The following FOXP2 variants were observed in gnomAD, a reference collection of about 807,000 sequenced individuals.
FOXP2 encodes forkhead box P2.
Under a neutral mutation model 115.8 loss-of-function variants are expected in FOXP2, and 12 were observed. The observed-to-expected ratio is 0.10, with a 90% CI of 0.07 to 0.17. The LOEUF is 0.17. Among genes scored for constraint, FOXP2 ranks in the 10% least tolerant of loss-of-function variants. FOXP2 has a pLI of 1.00. For missense variants in FOXP2, 629 were observed against 843.5 expected (o/e 0.75, Z 3.15); for synonymous variants, 328 against 297.7 (o/e 1.10, Z -1.05).
intron 6 of FOXP2, among the ~76,000 whole-genome samples, chr7:114,638,834 C>A (rs1240008687): frequency 6.6e-6 from 1 of 152,066 alleles, no homozygotes; most frequent in African/African-American, 2.4e-5. Flanking sequence ...TTTTTGACTT[C>A]TTTTATTCTC....
Position 114,659,370 on chromosome 7 carries a change from T to C in FOXP2, c.1483T>C (p.Tyr495His). ...TATTTTTATAGAAATTGCCCCAAAC[T>C]ATGAATTTTATAAAAATGCAGATGT... ...IPMSSEIAPN[Y>H]EFYKNADVRP... Residue 495 changes from tyrosine to histidine, a missense_variant, in exon 12 of 17, where the codon TAT (tyrosine) becomes CAT (histidine). By Grantham distance (83) the Tyr-to-His change is moderately conservative. Transcript: ENST00000350908. 1 of 1,611,782 alleles carries C rather than the reference T, an allele frequency of 6.2e-7. No individual in the cohort carries two copies. Among genetic ancestry groups the C allele is most frequent in the Non-Finnish European group, 8.5e-7 (1 of 1,178,322 alleles).
chr7:114,086,493 G>A (rs1313867537), upstream of FOXP2: 3 of 341,162 alleles, frequency 8.8e-6, no homozygotes, highest in African/African-American at 4.5e-5. Context: ...CCCCGGGCGC[G>A]CCCCCCACTC....
intron 2 of FOXP2, among the ~76,000 whole-genome samples, chr7:114,460,926 A>G (rs1424019037): frequency 6.6e-6 from 1 of 152,166 alleles, no homozygotes; most frequent in African/African-American, 2.4e-5. Context: ...TTCTTCCTCT[A>G]TCCGAATCTT....
rs567371988 is a variant in FOXP2 at position 114,366,139 on chromosome 7, C to CT, written c.-10-60357dup. The stretch of plus-strand genomic sequence containing the variant: ...TGCTCAAGGAAGGCTTTCCAGGCAT[C>CT]TTTTTTGTCCCTTGAGGTGTTTATG... On this transcript the variant is annotated intron_variant, in intron 2 of 17. Coordinates refer to the FOXP2 transcript ENST00000634411. Among the ~76,000 whole-genome samples the CT allele has an allele frequency of 1.3e-3, 201 of 152,226 alleles. 2 individuals carry two copies. The highest frequency in any genetic ancestry group is 3.4e-3 in the Admixed American group (52 of 15,260).
chr7:114,631,587 G>T lies in FOXP2; in HGVS notation c.657G>T (p.Gln219His). The change falls in exon 6 of 17, where the codon CAG (glutamine) becomes CAT (histidine). Residue 219 changes from glutamine to histidine, a missense_variant. Gln to His is a conservative substitution (Grantham distance 24). Coordinates refer to ENST00000350908, the MANE Select transcript of FOXP2 (RefSeq NM_014491.4). ...CAGCCCAGCAGCTTGTCTTCCAGCA[G>T]CAGCTTCTCCAGATGCAACAACTCC... is the stretch of plus-strand genomic sequence containing the variant. ...QLAAQQLVFQQQLLQMQQLQQ... is the reference protein window; with the variant it reads ...QLAAQQLVFQHQLLQMQQLQQ... The T allele has an allele frequency of 1.2e-6, 2 of 1,608,392 alleles. No individual in the cohort carries two copies. The highest frequency in any genetic ancestry group is 1.7e-6 in the Non-Finnish European group (2 of 1,177,192).
chr7:114,284,939 A>T (rs1796428942), intron 1 of FOXP2, among the ~76,000 whole-genome samples: 1 of 152,186 alleles, frequency 6.6e-6, no homozygotes, highest in African/African-American at 2.4e-5. Flanking sequence ...AGAAAAGCAA[A>T]TACTGCATAC....
chr7:114,427,356 C>G (rs977347775), intron 2 of FOXP2, among the ~76,000 whole-genome samples: 1 of 150,284 alleles, frequency 6.7e-6, no homozygotes, highest in Non-Finnish European at 1.5e-5. Flanking sequence ...TTTAAGTAGT[C>G]TGTTATTCAT....
At chr7:114,453,433 T>A (rs1380052629) in intron 2 of FOXP2, among the ~76,000 whole-genome samples, 2 of 152,130 alleles carry the variant, frequency 1.3e-5, no homozygotes, top group African/African-American at 4.8e-5. Flanking sequence ...GGTGTTTCCA[T>A]AACTGTTTTC....
intron 1 of FOXP2, among the ~76,000 whole-genome samples, chr7:114,202,905 T>TAATA (rs1324899447): frequency 6.6e-6 from 1 of 152,202 alleles, no homozygotes; most frequent in Non-Finnish European, 1.5e-5. Context: ...TTTTACTGCT[T>TAATA]TCTCTTGATT....
At chr7:114,114,508 G>A (rs528673152) in intron 1 of FOXP2, among the ~76,000 whole-genome samples, 3 of 152,030 alleles carry the variant, frequency 2.0e-5, no homozygotes, top group East Asian at 1.9e-4. Flanking sequence ...ATTATGAGAC[G>A]GACTAAGATA....
intron 1 of FOXP2, among the ~76,000 whole-genome samples, chr7:114,204,117 A>G (rs564785975): frequency 4.6e-5 from 7 of 152,214 alleles, no homozygotes; most frequent in Admixed American, 1.3e-4. Context: ...CTGTAGATCA[A>G]TATGTCCGAT....
rs548151244 is a variant in FOXP2 at position 114,443,171 on chromosome 7, T to C, written c.168+16492T>C. ...GTTTTCAAATAAATCAGGCATTTTA[T>C]GTGCAAACACTCAGTATATAACATA... On this transcript the variant is annotated intron_variant, in intron 2 of 16. Transcript: ENST00000350908. Among the ~76,000 whole-genome samples the C allele has an allele frequency of 3.9e-5, 6 of 152,350 alleles. No individual in the cohort carries two copies. The East Asian group carries it at 9.7e-4, about 25-fold the overall frequency.
At chr7:114,234,076 C>T (rs546564846) in intron 1 of FOXP2, among the ~76,000 whole-genome samples, 120 of 152,212 alleles carry the variant, frequency 7.9e-4, no homozygotes, top group African/African-American at 2.9e-3. Context: ...ATTGAGATTA[C>T]GTGTGTTTTT....
chr7:114,521,418 A>G (rs1454131748), intron 2 of FOXP2, among the ~76,000 whole-genome samples: 1 of 151,500 alleles, frequency 6.6e-6, no homozygotes, highest in East Asian at 1.9e-4. Context: ...CTCTAGTCCT[A>G]GCTATTCAAG....
chr7:114,510,082 C>T (rs1163185338), intron 2 of FOXP2, among the ~76,000 whole-genome samples: 1 of 152,094 alleles, frequency 6.6e-6, no homozygotes, highest in African/African-American at 2.4e-5. Context: ...CAAAGAGAAG[C>T]TCACAATGCA....
At chr7:114,126,543 T>C (rs928517852) in intron 1 of FOXP2, among the ~76,000 whole-genome samples, 1 of 152,194 alleles carries the variant, frequency 6.6e-6, no homozygotes, top group East Asian at 1.9e-4. Context: ...TTAAATAGTA[T>C]AGTAACCTGA....
At chr7:114,467,821 C>T (rs1305297672) in intron 2 of FOXP2, among the ~76,000 whole-genome samples, 2 of 152,090 alleles carry the variant, frequency 1.3e-5, no homozygotes, top group Non-Finnish European at 2.9e-5. Flanking sequence ...AAAGCATTGA[C>T]ATTTGGAGTG....
chr7:114,675,047 C>T (rs1807685635), intron 16 of FOXP2, among the ~76,000 whole-genome samples: 1 of 151,758 alleles, frequency 6.6e-6, no homozygotes. Flanking sequence ...AAACATTGCC[C>T]AAGTGGAGAA....
intron 2 of FOXP2, among the ~76,000 whole-genome samples, chr7:114,451,051 T>A (rs950936790): frequency 1.3e-5 from 2 of 152,102 alleles, no homozygotes; most frequent in African/African-American, 2.4e-5. Context: ...ATAAAAGGTT[T>A]CAGGATTTGT....
Sources: allele counts gnomAD v4.1 joint callset (sites outside exome capture counted in the v4.1 genomes callset), GRCh38; gene constraint gnomAD v4.1.1; transcripts MANE v1.5; gene names NCBI Gene and HGNC (gene_info 2026-07-23, HGNC 2026-07-21).